HS3ST4: variants seen among roughly 807,000 people sequenced by gnomAD.
The protein encoded by HS3ST4 is heparan sulfate-glucosamine 3-sulfotransferase 4, also known as heparan sulfate glucosamine 3-O-sulfotransferase 4.
In HS3ST4, 17 loss-of-function variants were observed where a neutral mutation model predicts 29.2. The ratio of observed to expected loss-of-function variants is 0.58; its 90% CI spans 0.40 to 0.87. HS3ST4 has a LOEUF of 0.87. Ranked by LOEUF, HS3ST4 falls within the 40% of genes least tolerant of loss-of-function variation. The pLI is 0.00. For synonymous variants in HS3ST4, 314 were observed against 285.7 expected (o/e 1.10, Z -1.00); for missense variants, 627 against 634.5 (o/e 0.99, Z 0.13).
intron 1 of HS3ST4, among the ~76,000 whole-genome samples, chr16:25,811,045 C>T (rs546969924): frequency 1.6e-4 from 24 of 152,264 alleles, no homozygotes; most frequent in Admixed American, 1.4e-3. Flanking sequence ...AATTAAGAAA[C>T]GGTTGGTGGT....
intron 1 of HS3ST4, among the ~76,000 whole-genome samples, chr16:25,975,771 G>C (rs1215841182): frequency 6.6e-6 from 1 of 152,124 alleles, no homozygotes; most frequent in Non-Finnish European, 1.5e-5. Context: ...CTCTTCAAGA[G>C]CTTCTCATCT....
chr16:26,032,820 C>G, intron 1 of HS3ST4: 2 of 1,569,546 alleles, frequency 1.3e-6, no homozygotes, highest in Non-Finnish European at 1.7e-6. Context: ...ATGGTGGTGG[C>G]GGCGACGGCA....
intron 1 of HS3ST4, among the ~76,000 whole-genome samples, chr16:26,008,170 T>A (rs999199460): frequency 6.6e-6 from 1 of 152,152 alleles, no homozygotes; most frequent in Non-Finnish European, 1.5e-5. Flanking sequence ...AAGTCTGAAG[T>A]GGCCAAAGCA....
rs144638208 is a variant in HS3ST4, at chr16:25,849,974, A to G, written c.734+156823A>G. Among the ~76,000 whole-genome samples the G allele has an allele frequency of 6.3e-3, 946 of 150,104 alleles. 6 individuals are homozygous for G. Among genetic ancestry groups the G allele is most frequent in the African/African-American group, 0.022 (902 of 40,986 alleles). ...ATTACTTTGTTTTGTTTTATGTCGTATAATGAAAATATAGATGCCTAGATG... is the reference window on the plus strand; with the variant it reads ...ATTACTTTGTTTTGTTTTATGTCGTGTAATGAAAATATAGATGCCTAGATG... On this transcript the variant is annotated intron_variant, in intron 1 of 1. Coordinates refer to ENST00000331351, the MANE Select transcript of HS3ST4 (RefSeq NM_006040.3).
intron 1 of HS3ST4, among the ~76,000 whole-genome samples, chr16:25,851,136 G>T (rs1351254887): frequency 1.1e-4 from 16 of 152,194 alleles, no homozygotes; most frequent in Non-Finnish European, 2.9e-5. Flanking sequence ...AATAGTGCTG[G>T]ACGTTCCCAT....
chr16:25,906,956 A>G (rs984960318), intron 1 of HS3ST4, among the ~76,000 whole-genome samples: 1 of 152,132 alleles, frequency 6.6e-6, no homozygotes, highest in African/African-American at 2.4e-5. Context: ...GTGCTTTGAG[A>G]AGCCTAGGCA....
rs1206997472 is a variant in HS3ST4, at chr16:25,794,901, A to G, written c.734+101750A>G. ...GGTAAACCTTTACTCAAGAATACAC[A>G]CACACACACACACACACACACACAC... On this transcript the variant is annotated intron_variant, in intron 1 of 1. Transcript: ENST00000331351. Among the ~76,000 whole-genome samples, 387 of 49,700 alleles carry G rather than the reference A, an allele frequency of 7.8e-3. 1 individual carries two copies. The highest frequency in any genetic ancestry group is 8.7e-3 in the Admixed American group (45 of 5,194). 32.6% of individuals were successfully genotyped at this position (49,700 alleles called of 152,430 possible).
intron 1 of HS3ST4, among the ~76,000 whole-genome samples, chr16:25,942,197 C>T (rs1282524523): frequency 6.6e-6 from 1 of 152,036 alleles, no homozygotes; most frequent in Non-Finnish European, 1.5e-5. Context: ...GGTCCTGGTG[C>T]CCCTAACCTG....
chr16:25,970,350 T>C (rs983529319), intron 1 of HS3ST4, among the ~76,000 whole-genome samples: 1 of 152,242 alleles, frequency 6.6e-6, no homozygotes, highest in African/African-American at 2.4e-5. Flanking sequence ...TAAATATTGG[T>C]TTCCTTTGCC....
intron 1 of HS3ST4, among the ~76,000 whole-genome samples, chr16:25,722,888 C>T (rs1410030503): frequency 1.3e-5 from 2 of 152,054 alleles, no homozygotes; most frequent in African/African-American, 2.4e-5. Flanking sequence ...AAAGACATAC[C>T]CAATAATGGG....
At chr16:25,876,273 T>C (rs1388752622) in intron 1 of HS3ST4, among the ~76,000 whole-genome samples, 2 of 152,134 alleles carry the variant, frequency 1.3e-5, no homozygotes, top group Admixed American at 1.3e-4. Flanking sequence ...AAATCCAATT[T>C]CACACTGGCT....
intron 1 of HS3ST4, among the ~76,000 whole-genome samples, chr16:25,771,450 C>G (rs990103940): frequency 6.6e-6 from 1 of 152,060 alleles, no homozygotes; most frequent in Admixed American, 6.6e-5. Flanking sequence ...AAGTGATTTC[C>G]TACCCCAGGG....
chr16:26,031,237 G>A (rs532741404), intron 1 of HS3ST4, among the ~76,000 whole-genome samples: 9 of 152,214 alleles, frequency 5.9e-5, no homozygotes, highest in South Asian at 4.1e-4. Context: ...GAGCTGAAGC[G>A]GAAACCCAGG....
intron 1 of HS3ST4, among the ~76,000 whole-genome samples, chr16:25,719,888 G>C (rs1183643429): frequency 6.6e-6 from 1 of 152,136 alleles, no homozygotes; most frequent in Non-Finnish European, 1.5e-5. Context: ...ATACACCAGT[G>C]AGCAAAACAA....
At chr16:26,109,553 G>A (rs527632241) in intron 1 of HS3ST4, among the ~76,000 whole-genome samples, 1 of 152,102 alleles carries the variant, frequency 6.6e-6, no homozygotes, top group East Asian at 1.9e-4. Flanking sequence ...TCCATCTGGA[G>A]GCTCCTGCTC....
intron 1 of HS3ST4, among the ~76,000 whole-genome samples, chr16:26,050,617 C>G (rs138653349): frequency 2.0e-5 from 3 of 152,306 alleles, no homozygotes; most frequent in East Asian, 1.9e-4. Flanking sequence ...GTCAAAGACT[C>G]GCATGTGATT....
At chr16:26,003,017 C>T (rs1969226100) in intron 1 of HS3ST4, among the ~76,000 whole-genome samples, 1 of 151,026 alleles carries the variant, frequency 6.6e-6, no homozygotes, top group African/African-American at 2.4e-5. Context: ...GCCTTATCCT[C>T]AAATAGTTTT....
chr16:25,750,810 C>T (rs1466571010), intron 1 of HS3ST4, among the ~76,000 whole-genome samples: 1 of 152,202 alleles, frequency 6.6e-6, no homozygotes, highest in Non-Finnish European at 1.5e-5. Flanking sequence ...ACTTCATTTT[C>T]CTTCCCCGCT....
intron 1 of HS3ST4, among the ~76,000 whole-genome samples, chr16:26,095,666 A>G (rs1208027857): frequency 6.6e-6 from 1 of 152,248 alleles, no homozygotes; most frequent in Non-Finnish European, 1.5e-5. Flanking sequence ...AGAAAGCAGG[A>G]AAGATCTAAA....
Sources: gnomAD v4.1 joint callset for allele counts (sites outside exome capture counted in the v4.1 genomes callset) on GRCh38, gnomAD v4.1.1 for gene constraint, MANE v1.5 for transcripts, NCBI Gene and HGNC (gene_info 2026-07-23, HGNC 2026-07-21) for gene names.